Variants in SRBD1 observed in about 807,000 individuals in gnomAD.
SRBD1 encodes S1 RNA-binding domain-containing protein 1.
Under a neutral mutation model 115.3 loss-of-function variants are expected in SRBD1, and 88 were observed. That is an observed-to-expected ratio of 0.76 (90% CI 0.64 to 0.91). The LOEUF is 0.91. SRBD1 is among the 40% of genes least tolerant of loss of function. The pLI is 0.00. For synonymous variants in SRBD1, 509 were observed against 407.7 expected (o/e 1.25, Z -2.99); for missense variants, 1,385 against 1,177.4 (o/e 1.18, Z -2.58).
At chr2:45,472,627 C>A (rs554958367) in intron 16 of SRBD1, among the ~76,000 whole-genome samples, 1 of 152,150 alleles carries the variant, frequency 6.6e-6, no homozygotes, top group South Asian at 2.1e-4. Flanking sequence ...AGGCCAGGTG[C>A]GTGTCACCAT....
intron 16 of SRBD1, among the ~76,000 whole-genome samples, chr2:45,436,483 T>TGTG (rs1661717288): frequency 1.3e-5 from 2 of 152,146 alleles, no homozygotes; most frequent in African/African-American, 4.8e-5. Flanking sequence ...AAGAACTTCC[T>TGTG]ATGACTGGGT....
At chr2:45,428,720 T>C (rs1668237839) in intron 16 of SRBD1, among the ~76,000 whole-genome samples, 1 of 152,090 alleles carries the variant, frequency 6.6e-6, no homozygotes, top group South Asian at 2.1e-4. Flanking sequence ...GTGGGAAAGA[T>C]CTAAAATTGA....
At chr2:45,520,946 T>C (rs997697954) in intron 14 of SRBD1, among the ~76,000 whole-genome samples, 1 of 152,168 alleles carries the variant, frequency 6.6e-6, no homozygotes, top group African/African-American at 2.4e-5. Context: ...AATGGCCCTC[T>C]GCCCTTGCAA....
rs958345431 is a variant in SRBD1, at chr2:45,546,740, A to C, written c.1866T>G (p.Val622=). Reference sequence around the variant, plus strand: ...ATATGTAATAGCCTTACCAGTAAACAACATCCAGTGGTGCAAAATAATTCT... The same window carrying C: ...ATATGTAATAGCCTTACCAGTAAACCACATCCAGTGGTGCAAAATAATTCT... ...IMKNYFAPLD[V]VYCIVSEAGA... is the part of the protein sequence containing the mutation. Residue 622 remains valine, a synonymous_variant, in exon 14 of 21, where the codon GTT becomes GTG. Coordinates refer to ENST00000263736, the MANE Select transcript of SRBD1 (RefSeq NM_018079.5). The C allele has an allele frequency of 6.2e-6, 10 of 1,613,938 alleles. No homozygotes were observed. The African/African-American group carries it at 1.1e-4, about 17-fold the overall frequency.
At chr2:45,584,338 G>A (rs1417320575) in intron 5 of SRBD1, among the ~76,000 whole-genome samples, 1 of 152,154 alleles carries the variant, frequency 6.6e-6, no homozygotes, top group Non-Finnish European at 1.5e-5. Context: ...GATTATCCTA[G>A]CCTGGCTCTG....
chr2:45,537,268 T>C (rs1671790296), intron 14 of SRBD1, among the ~76,000 whole-genome samples: 2 of 152,326 alleles, frequency 1.3e-5, no homozygotes, highest in African/African-American at 4.8e-5. Flanking sequence ...ATATCGGTTA[T>C]ACCTATACTT....
At chr2:45,399,403 C>A (rs1377132484) in intron 19 of SRBD1, among the ~76,000 whole-genome samples, 1 of 152,038 alleles carries the variant, frequency 6.6e-6, no homozygotes, top group Non-Finnish European at 1.5e-5. Flanking sequence ...CTTTTAGAGG[C>A]AGGACTTTAT....
At chr2:45,414,514 CAT>C (rs199564746) in intron 18 of SRBD1, among the ~76,000 whole-genome samples, 139 of 149,534 alleles carry the variant, frequency 9.3e-4, no homozygotes, top group South Asian at 8.0e-3. Context: ...TGTGTACACA[CAT>C]AGTGTGTATA....
intron 4 of SRBD1, among the ~76,000 whole-genome samples, chr2:45,598,265 T>C (rs939757597): frequency 6.6e-6 from 1 of 152,182 alleles, no homozygotes; most frequent in Non-Finnish European, 1.5e-5. Flanking sequence ...GGAAAAGCTG[T>C]AAAGCAACAT....
chr2:45,576,137 CCT>C (rs1673170239), intron 7 of SRBD1, among the ~76,000 whole-genome samples: 1 of 151,628 alleles, frequency 6.6e-6, no homozygotes, highest in African/African-American at 2.4e-5. Context: ...TCCTCCTCCT[CCT>C]TTTTCTCGTC....
At chr2:45,500,643 T>C (rs1670602765) in intron 14 of SRBD1, among the ~76,000 whole-genome samples, 1 of 152,100 alleles carries the variant, frequency 6.6e-6, no homozygotes, top group African/African-American at 2.4e-5. Context: ...CTTGAACTCA[T>C]GCGCTCAAGC....
intron 9 of SRBD1, among the ~76,000 whole-genome samples, chr2:45,571,540 A>AAAAAAAAAC (rs1558486313): frequency 3.4e-5 from 5 of 147,710 alleles, no homozygotes; most frequent in Non-Finnish European, 5.9e-5. Context: ...AAAAAAAAAA[A>AAAAAAAAAC]AACTGTCCAT....
intron 16 of SRBD1, among the ~76,000 whole-genome samples, chr2:45,435,549 C>T (rs988078398): frequency 3.8e-5 from 5 of 132,988 alleles, no homozygotes; most frequent in African/African-American, 1.4e-4. Context: ...CAAGACAACA[C>T]AAGGCCAGGG....
chr2:45,488,417 G>GAA (rs67396287), intron 14 of SRBD1, 86 bp from the exon 15 acceptor site: 37,783 of 831,004 alleles, frequency 0.045, 364 homozygotes, highest in Middle Eastern at 0.061. Flanking sequence ...GGCATTACCA[G>GAA]AAAAAAAAAA....
intron 10 of SRBD1, among the ~76,000 whole-genome samples, chr2:45,556,047 A>C (rs1672465434): frequency 6.6e-6 from 1 of 152,238 alleles, no homozygotes; most frequent in Admixed American, 6.5e-5. Flanking sequence ...CAAACATTTA[A>C]GCACTTACAA....
intron 14 of SRBD1, among the ~76,000 whole-genome samples, chr2:45,527,015 A>C (rs1671463908): frequency 6.6e-6 from 1 of 151,904 alleles, no homozygotes; most frequent in Non-Finnish European, 1.5e-5. Context: ...TAATCATTTT[A>C]AGTTGTTTCC....
chr2:45,530,802 A>C (rs993802281), intron 14 of SRBD1, among the ~76,000 whole-genome samples: 6 of 152,000 alleles, frequency 3.9e-5, no homozygotes, highest in African/African-American at 1.4e-4. Context: ...TGACAGTAAG[A>C]TGTTCTACTT....
At chr2:45,476,706 G>C (rs538759761) in intron 16 of SRBD1, among the ~76,000 whole-genome samples, 10 of 152,152 alleles carry the variant, frequency 6.6e-5, no homozygotes, top group Admixed American at 1.3e-4. Context: ...AATGTTAAAA[G>C]AAGAGGCTCT....
At chr2:45,515,449 G>T (rs1221966164) in intron 14 of SRBD1, among the ~76,000 whole-genome samples, 1 of 152,138 alleles carries the variant, frequency 6.6e-6, no homozygotes, top group African/African-American at 2.4e-5. Flanking sequence ...GTACAGCGTA[G>T]ATATCTTATT....
Sources: allele counts gnomAD v4.1 joint callset (sites outside exome capture counted in the v4.1 genomes callset), GRCh38; gene constraint gnomAD v4.1.1; transcripts MANE v1.5; gene names NCBI Gene and HGNC (gene_info 2026-07-23, HGNC 2026-07-21).